PCCA: variants seen among roughly 807,000 people sequenced by gnomAD.
PCCA encodes the protein propionyl-CoA carboxylase alpha chain, mitochondrial.
In PCCA, 74 loss-of-function variants were observed where a neutral mutation model predicts 101.3. The ratio of observed to expected loss-of-function variants is 0.73; its 90% CI spans 0.61 to 0.89. PCCA has a LOEUF of 0.89. Ranked by LOEUF, PCCA falls within the 40% of genes least tolerant of loss-of-function variation. PCCA has a pLI of 0.00. For missense variants in PCCA, 891 were observed against 907.0 expected (o/e 0.98, Z 0.23); for synonymous variants, 294 against 313.6 (o/e 0.94, Z 0.66).
chr13:100,517,046 C>CATGT (rs1491478540), intron 22 of PCCA, among the ~76,000 whole-genome samples: 2 of 132,988 alleles, frequency 1.5e-5, no homozygotes, highest in African/African-American at 5.7e-5. Context: ...ATTATAAAAT[C>CATGT]GTGTGTGTGT....
At chr13:100,402,222 A>C (rs1419889771) in intron 19 of PCCA, among the ~76,000 whole-genome samples, 1 of 152,108 alleles carries the variant, frequency 6.6e-6, no homozygotes, top group African/African-American at 2.4e-5. Flanking sequence ...TTAGTCTTAC[A>C]AAAGCTATGT....
chr13:100,528,472 A>C (rs1183625622), intron 23 of PCCA, among the ~76,000 whole-genome samples: 1 of 152,240 alleles, frequency 6.6e-6, no homozygotes. Context: ...CCTTGGGGAC[A>C]TCAGGTGCAA....
chr13:100,220,514 A>G (rs970345138), intron 7 of PCCA, among the ~76,000 whole-genome samples: 3 of 148,904 alleles, frequency 2.0e-5, no homozygotes, highest in South Asian at 2.1e-4. Context: ...CAAGTGATCC[A>G]CCTGCCTCGG....
intron 16 of PCCA, among the ~76,000 whole-genome samples, chr13:100,318,194 T>C (rs544120839): frequency 2.0e-5 from 3 of 152,298 alleles, no homozygotes; most frequent in African/African-American, 7.2e-5. Flanking sequence ...ACACGCTGAA[T>C]GCCTATTGGC....
chr13:100,433,201 G>A (rs1567128456), intron 20 of PCCA, among the ~76,000 whole-genome samples: 2 of 152,238 alleles, frequency 1.3e-5, no homozygotes, highest in Non-Finnish European at 2.9e-5. Flanking sequence ...ATTTTTTGAG[G>A]AACCTCCATA....
intron 16 of PCCA, among the ~76,000 whole-genome samples, chr13:100,310,919 CT>C (rs1283667918): frequency 1.3e-5 from 2 of 152,112 alleles, no homozygotes; most frequent in Admixed American, 6.5e-5. Context: ...TTCATAGCCC[CT>C]GTCCTGACGC....
At chr13:100,516,644 G>A (rs956403237) in intron 22 of PCCA, among the ~76,000 whole-genome samples, 1 of 152,156 alleles carries the variant, frequency 6.6e-6, no homozygotes, top group Non-Finnish European at 1.5e-5. Context: ...GTTGTTTGCT[G>A]TGAAAGCATT....
rs1201357522 is a variant in PCCA, at chr13:100,109,227, A to G, written c.184-2614A>G. The stretch of plus-strand genomic sequence containing the variant: ...AATCATTCTCACAACCTCTTGTGGC[A>G]GGTGCTGTTTTTACCCTTATTTTAC... On this transcript the variant is annotated intron_variant, in intron 2 of 23. Transcript: ENST00000376285. Among the ~76,000 whole-genome samples the G allele has an allele frequency of 3.9e-5, 6 of 152,310 alleles. No homozygotes were observed. In the East Asian group the frequency reaches 7.7e-4, roughly 20 times the overall value.
intron 21 of PCCA, among the ~76,000 whole-genome samples, chr13:100,487,418 C>G (rs1397535558): frequency 6.6e-6 from 1 of 152,158 alleles, no homozygotes; most frequent in African/African-American, 2.4e-5. Context: ...GACTTTAAGA[C>G]TTTAAGATTA....
At chr13:100,384,520 C>A (rs527662543) in intron 19 of PCCA, among the ~76,000 whole-genome samples, 1 of 152,090 alleles carries the variant, frequency 6.6e-6, no homozygotes, top group Non-Finnish European at 1.5e-5. Context: ...ATCATAATCT[C>A]TTTTATTCTA....
chr13:100,144,672 A>G (rs72658508), intron 4 of PCCA, among the ~76,000 whole-genome samples: 21,574 of 152,204 alleles, frequency 0.14, 1,654 homozygotes, highest in Non-Finnish European at 0.18. Context: ...AAAAGTCCTG[A>G]CTTATAATTA....
At chr13:100,106,567 C>T (rs564239615) in intron 2 of PCCA, among the ~76,000 whole-genome samples, 2 of 152,166 alleles carry the variant, frequency 1.3e-5, no homozygotes, top group South Asian at 2.1e-4. Flanking sequence ...CACACCACCA[C>T]ATCCGGCTAA....
At chr13:100,268,351 C>T (rs929480780) in intron 10 of PCCA, among the ~76,000 whole-genome samples, 1 of 152,162 alleles carries the variant, frequency 6.6e-6, no homozygotes, top group Non-Finnish European at 1.5e-5. Context: ...GGTGGCACTC[C>T]TCAGCAACAT....
At chr13:100,384,170 C>T (rs576947927) in intron 19 of PCCA, among the ~76,000 whole-genome samples, 43 of 152,176 alleles carry the variant, frequency 2.8e-4, no homozygotes, top group Non-Finnish European at 5.3e-4. Flanking sequence ...GGATTACAGG[C>T]ACGTGCCACC....
At chr13:100,496,627 T>C (rs1203099597) in intron 21 of PCCA, among the ~76,000 whole-genome samples, 1 of 152,220 alleles carries the variant, frequency 6.6e-6, no homozygotes, top group Non-Finnish European at 1.5e-5. Context: ...TTCTCCACTC[T>C]GAAGTTACTA....
chr13:100,159,193 A>G (rs1002328623), intron 6 of PCCA, among the ~76,000 whole-genome samples: 1 of 144,858 alleles, frequency 6.9e-6, no homozygotes, highest in Non-Finnish European at 1.5e-5. Context: ...TCCTGGGTTC[A>G]AGCTATTCTG....
chr13:100,143,551 T>TAAAAAAAAAAAAAAAAAAAAAAA (rs572832682), intron 4 of PCCA, among the ~76,000 whole-genome samples: 1 of 136,506 alleles, frequency 7.3e-6, no homozygotes, highest in African/African-American at 2.6e-5. Flanking sequence ...AAAAAAAAAA[T>TAAAAAAAAAAAAAAAAAAAAAAA]AAAAAAAAAA....
chr13:100,412,458 A>G (rs966423646), intron 19 of PCCA, among the ~76,000 whole-genome samples: 2 of 152,224 alleles, frequency 1.3e-5, no homozygotes, highest in Non-Finnish European at 2.9e-5. Flanking sequence ...CAAACAAGAT[A>G]CAAAGAAATA....
intron 18 of PCCA, among the ~76,000 whole-genome samples, chr13:100,359,288 G>GT (rs1439489601): frequency 6.6e-6 from 1 of 152,018 alleles, no homozygotes; most frequent in African/African-American, 2.4e-5. Context: ...ACAAGACAAA[G>GT]TTGTCTGTTT....
Sources: allele counts gnomAD v4.1 joint callset (sites outside exome capture counted in the v4.1 genomes callset), GRCh38; gene constraint gnomAD v4.1.1; transcripts MANE v1.5; gene names NCBI Gene and HGNC (gene_info 2026-07-23, HGNC 2026-07-21).